PLGRKT: variants seen among roughly 807,000 people sequenced by gnomAD.
PLGRKT encodes the protein plasminogen receptor with a C-terminal lysine, also known as plasminogen receptor (KT).
PLGRKT carries 22 observed loss-of-function variants against 18.5 expected under a neutral mutation model. The ratio of observed to expected loss-of-function variants is 1.19; its 90% CI spans 0.85 to 1.70. PLGRKT has a LOEUF of 1.70. Among genes scored for constraint, PLGRKT ranks in the 40% most tolerant of loss-of-function variants. The probability of loss-of-function intolerance (pLI) is 0.00; values close to 1 mark genes in which losing one functional copy is unlikely to be tolerated. For missense variants in PLGRKT, 235 were observed against 174.4 expected, an observed-to-expected ratio of 1.35 and a Z score of -1.96; for synonymous variants, 72 against 52.8, an observed-to-expected ratio of 1.36 and a Z score of -1.58.
chr9:5,376,245 C>T (rs997830711), intron 3 of PLGRKT, among the ~76,000 whole-genome samples: 11 of 152,010 alleles, frequency 7.2e-5, no homozygotes, highest in African/African-American at 1.4e-4. Context: ...CATTTGGTTA[C>T]GATGGAAATG....
intron 3 of PLGRKT, among the ~76,000 whole-genome samples, chr9:5,422,893 G>T (rs1463295310): frequency 6.6e-6 from 1 of 151,984 alleles, no homozygotes; most frequent in East Asian, 1.9e-4. Context: ...TAGATTTGCT[G>T]GTGGGTCTTA....
At chr9:5,424,502 TATA>T (rs1315517748) in intron 3 of PLGRKT, among the ~76,000 whole-genome samples, 3 of 121,716 alleles carry the variant, frequency 2.5e-5, no homozygotes, top group African/African-American at 9.9e-5. Flanking sequence ...ATTATTAACA[TATA>T]ATATATAACA....
chr9:5,424,454 A>G (rs1370608813), intron 3 of PLGRKT, among the ~76,000 whole-genome samples: 1 of 108,854 alleles, frequency 9.2e-6, no homozygotes, highest in Non-Finnish European at 1.9e-5. Flanking sequence ...ATTATATATT[A>G]TAACATAATA....
intron 3 of PLGRKT, among the ~76,000 whole-genome samples, chr9:5,409,800 G>A (rs1346404972): frequency 2.0e-5 from 3 of 152,182 alleles, no homozygotes; most frequent in African/African-American, 7.2e-5. Context: ...GGGGCCTGTA[G>A]CCCCTTTATT....
At chr9:5,430,059 T>C (rs1818790256) in intron 3 of PLGRKT, among the ~76,000 whole-genome samples, 1 of 152,192 alleles carries the variant, frequency 6.6e-6, no homozygotes, top group Non-Finnish European at 1.5e-5. Context: ...ACTGAGTGCA[T>C]AGCACTCATT....
chr9:5,371,495 T>A (rs1817514847), intron 3 of PLGRKT, among the ~76,000 whole-genome samples: 1 of 152,228 alleles, frequency 6.6e-6, no homozygotes, highest in African/African-American at 2.4e-5. Context: ...CGCTTTCGCT[T>A]CTTCCTCATT....
chr9:5,400,418 T>C (rs1818133313), intron 3 of PLGRKT, among the ~76,000 whole-genome samples: 1 of 151,926 alleles, frequency 6.6e-6, no homozygotes, highest in African/African-American at 2.4e-5. Context: ...TAAATTCCAA[T>C]TCCAAATGAC....
In PLGRKT at chr9:5,418,503, GC is replaced by G; in HGVS notation, c.81+13393del. 1 of 1,097,366 alleles carries G rather than the reference GC, an allele frequency of 9.1e-7. No individual in the cohort carries two copies. Among genetic ancestry groups the G allele is most frequent in the Non-Finnish European group, 1.4e-6 (1 of 716,806 alleles). 68.0% of individuals were successfully genotyped at this position (1,097,366 alleles called of 1,614,324 possible). A position where few individuals can be genotyped will look rare whatever the true frequency, so the allele number is the denominator to read the frequency against. On this transcript the variant is annotated intron_variant, in intron 3 of 5. Transcript: ENST00000223864. The surrounding 1 kb of genome is among the most constrained non-coding windows in gnomAD (Gnocchi z 4.2). ...TCAACCACATGGAGCTTTTCACCAT[GC>G]CCCGCCTGTCCTGCTCCTCCTCCGC...
chr9:5,363,099 G>A (rs531267341), intron 3 of PLGRKT, among the ~76,000 whole-genome samples: 71 of 152,064 alleles, frequency 4.7e-4, no homozygotes, highest in African/African-American at 1.7e-3. Flanking sequence ...CTACCAATGA[G>A]TCCAAAACCT....
At chr9:5,414,136 G>A (rs1363339565) in intron 3 of PLGRKT, among the ~76,000 whole-genome samples, 2 of 152,146 alleles carry the variant, frequency 1.3e-5, no homozygotes, top group African/African-American at 4.8e-5. Flanking sequence ...TGAGTTAATA[G>A]GGAGAAAGAG....
In PLGRKT at chr9:5,418,982, A is replaced by T. The variant is rs1379080704; in HGVS notation, c.81+12915T>A. 11 of 648,030 alleles carry T rather than the reference A, an allele frequency of 1.7e-5. No homozygotes were observed. The Admixed American group carries it at 2.8e-4, about 16-fold the overall frequency. The allele number at this position is 648,030 out of a possible 1,614,324, so 40.1% of individuals were successfully genotyped here. ...TCCTGGGACAGCGTCTCCATGGTGG[A>T]CCCTGAGCAGGAAGGGCAAGGCCAA... On this transcript the variant is annotated intron_variant, in intron 3 of 5. Coordinates refer to ENST00000223864, the MANE Select transcript of PLGRKT (RefSeq NM_018465.4). This position sits in a 1 kb window ranked among gnomAD's most constrained non-coding sequence, Gnocchi z 4.2.
At chr9:5,434,620 C>T (rs535867179) in intron 2 of PLGRKT, among the ~76,000 whole-genome samples, 21 of 150,434 alleles carry the variant, frequency 1.4e-4, no homozygotes, top group African/African-American at 4.9e-4. Context: ...GTGGGGAGCG[C>T]CTCTGCCTGG....
At chr9:5,370,016 C>T (rs1019757055) in intron 3 of PLGRKT, among the ~76,000 whole-genome samples, 1 of 152,024 alleles carries the variant, frequency 6.6e-6, no homozygotes, top group African/African-American at 2.4e-5. Flanking sequence ...TGCAGCAAAC[C>T]ACCATGGCAC....
chr9:5,386,014 A>G (rs1817836281), intron 3 of PLGRKT, among the ~76,000 whole-genome samples: 1 of 151,578 alleles, frequency 6.6e-6, no homozygotes, highest in Non-Finnish European at 1.5e-5. Flanking sequence ...AATGCAATCC[A>G]CTGCCATATC....
At chr9:5,395,118 A>C (rs1563777818) in intron 3 of PLGRKT, among the ~76,000 whole-genome samples, 1 of 151,784 alleles carries the variant, frequency 6.6e-6, no homozygotes, top group Non-Finnish European at 1.5e-5. Context: ...AAAAAAAAAA[A>C]CTTAATGAAA....
At chr9:5,383,664 C>T (rs554055318) in intron 3 of PLGRKT, among the ~76,000 whole-genome samples, 1 of 152,234 alleles carries the variant, frequency 6.6e-6, no homozygotes, top group African/African-American at 2.4e-5. Context: ...ATTAGATTCT[C>T]ATAAGGAGCA....
At chr9:5,373,805 A>G (rs1237068074) in intron 3 of PLGRKT, among the ~76,000 whole-genome samples, 2 of 152,044 alleles carry the variant, frequency 1.3e-5, no homozygotes, top group Admixed American at 6.6e-5. Flanking sequence ...AAAAAAAAAG[A>G]ATTGTCTATG....
At chr9:5,432,863 C>A (rs1268892401) in intron 2 of PLGRKT, among the ~76,000 whole-genome samples, 1 of 152,220 alleles carries the variant, frequency 6.6e-6, no homozygotes, top group Non-Finnish European at 1.5e-5. Flanking sequence ...CACCTCCCAG[C>A]CGCCTGCCTT....
intron 3 of PLGRKT, among the ~76,000 whole-genome samples, chr9:5,365,397 C>T (rs1486069173): frequency 1.3e-5 from 2 of 152,210 alleles, no homozygotes; most frequent in Non-Finnish European, 2.9e-5. Context: ...CCTATACTAA[C>T]ATAAATGGAG....
Sources: allele counts gnomAD v4.1 joint callset (sites outside exome capture counted in the v4.1 genomes callset), GRCh38; gene constraint gnomAD v4.1.1; non-coding constraint Gnocchi (gnomAD v3.1); transcripts MANE v1.5; gene names NCBI Gene and HGNC (gene_info 2026-07-23, HGNC 2026-07-21).